Variants in SMYD3 observed in about 807,000 individuals in gnomAD.
SMYD3 encodes the protein SET and MYND domain containing 3, also known as histone-lysine N-methyltransferase SMYD3.
SMYD3 carries 36 observed loss-of-function variants against 57.7 expected under a neutral mutation model. That is an observed-to-expected ratio of 0.62 (90% CI 0.48 to 0.82). SMYD3 has a LOEUF of 0.82. SMYD3 is among the 40% of genes least tolerant of loss of function. The pLI, the probability that SMYD3 is intolerant of heterozygous loss-of-function variation, is 0.00. For synonymous variants in SMYD3, 211 were observed against 195.0 expected (o/e 1.08, Z -0.68); for missense variants, 515 against 538.8 (o/e 0.96, Z 0.44).
intron 1 of SMYD3, among the ~76,000 whole-genome samples, chr1:246,499,828 AC>A (rs1255115209): frequency 6.6e-6 from 1 of 150,834 alleles, no homozygotes; most frequent in African/African-American, 2.4e-5. Context: ...AATAGATAAA[AC>A]CCACATAAAC....
At chr1:246,469,944 G>C (rs2067934967) in intron 1 of SMYD3, among the ~76,000 whole-genome samples, 1 of 152,122 alleles carries the variant, frequency 6.6e-6, no homozygotes, top group African/African-American at 2.4e-5. Flanking sequence ...TGTGCTTCCT[G>C]GTGTGATATC....
At chr1:246,398,335 C>T (rs1162862510) in intron 1 of SMYD3, among the ~76,000 whole-genome samples, 2 of 152,206 alleles carry the variant, frequency 1.3e-5, no homozygotes, top group African/African-American at 4.8e-5. Flanking sequence ...CAATTCTTCC[C>T]GTGGTTAGTT....
chr1:246,123,810 G>GT (rs112731841), intron 5 of SMYD3, among the ~76,000 whole-genome samples: 12,160 of 151,614 alleles, frequency 0.08, 988 homozygotes, highest in African/African-American at 0.19. Context: ...TTTTTCTTGT[G>GT]TTTTTTTTCC....
chr1:246,429,708 T>C (rs927921551), intron 1 of SMYD3, among the ~76,000 whole-genome samples: 1 of 152,178 alleles, frequency 6.6e-6, no homozygotes, highest in African/African-American at 2.4e-5. Context: ...AGACAAGCAA[T>C]ATCCACCATA....
intron 5 of SMYD3, among the ~76,000 whole-genome samples, chr1:246,282,932 T>A (rs1234562832): frequency 1.3e-5 from 2 of 152,184 alleles, no homozygotes; most frequent in Non-Finnish European, 2.9e-5. Flanking sequence ...AATCCCAGAT[T>A]CTCAGCACTG....
At chr1:246,433,620 C>T (rs979764606) in intron 1 of SMYD3, among the ~76,000 whole-genome samples, 1 of 152,162 alleles carries the variant, frequency 6.6e-6, no homozygotes, top group African/African-American at 2.4e-5. Flanking sequence ...AAGATCGTGC[C>T]ACTGTACTCC....
intron 10 of SMYD3, among the ~76,000 whole-genome samples, chr1:245,771,043 TATAC>T (rs1282272025): frequency 6.7e-6 from 1 of 149,736 alleles, no homozygotes; most frequent in Admixed American, 6.8e-5. Flanking sequence ...AAGCTATATA[TATAC>T]ACACACACAC....
intron 1 of SMYD3, among the ~76,000 whole-genome samples, chr1:246,408,973 T>G (rs1447021619): frequency 6.6e-6 from 1 of 152,096 alleles, no homozygotes; most frequent in Non-Finnish European, 1.5e-5. Flanking sequence ...CCCAGCCAAG[T>G]CTTTAAAGTA....
intron 6 of SMYD3, among the ~76,000 whole-genome samples, chr1:245,928,552 T>C (rs575157699): frequency 2.0e-5 from 3 of 152,230 alleles, no homozygotes; most frequent in African/African-American, 4.8e-5. Flanking sequence ...CACATGCCTG[T>C]AGTCCTAGCT....
rs191489812 is a variant in SMYD3 at position 245,991,336 on chromosome 1, G to A, written c.532-61399C>T. 1.8e-4 allele frequency among the ~76,000 whole-genome samples: 27 copies of A among 152,298 alleles called. No homozygotes were observed. The East Asian group carries it at 3.9e-3, about 22-fold the overall frequency. On this transcript the variant is annotated intron_variant, in intron 5 of 11. Coordinates refer to ENST00000490107, the MANE Select transcript of SMYD3 (RefSeq NM_001167740.2). The stretch of plus-strand genomic sequence containing the variant: ...AAAGGAATAGAGCCACAGCTTAAAA[G>A]TTATGTCGTTATAGACAGAGATACC...
rs1200097586 is a variant in SMYD3, at chr1:246,481,593, C to CATATATATATAT, written c.164+25449_164+25460dup. ...ACGGATCATGGGACTTCTCAGGCTCCATATATATATATATACACATACATA... is the reference window on the plus strand; with the variant it reads ...ACGGATCATGGGACTTCTCAGGCTCCATATATATATATATATATATATATATACACATACATA... On this transcript the variant is annotated intron_variant, in intron 1 of 11. Transcript: ENST00000490107. Among the ~76,000 whole-genome samples, 67 of 27,876 alleles carry CATATATATATAT rather than the reference C, an allele frequency of 2.4e-3. 4 individuals carry two copies. Among genetic ancestry groups the CATATATATATAT allele is most frequent in the African/African-American group, 5.0e-3 (47 of 9,450 alleles). 18.3% of individuals were successfully genotyped at this position (27,876 alleles called of 152,430 possible).
intron 1 of SMYD3, among the ~76,000 whole-genome samples, chr1:246,464,666 A>G (rs2067856554): frequency 6.6e-6 from 1 of 152,356 alleles, no homozygotes; most frequent in South Asian, 2.1e-4. Flanking sequence ...TCTGTAGGAC[A>G]GTGGTTGAGG....
At chr1:246,330,019 A>G (rs1006002571) in intron 4 of SMYD3, among the ~76,000 whole-genome samples, 20 of 152,148 alleles carry the variant, frequency 1.3e-4, no homozygotes, top group Admixed American at 4.6e-4. Context: ...AGTTTCAGAG[A>G]AGAATGATGC....
At chr1:245,962,104 A>ATTTCATC (rs2058026087) in intron 5 of SMYD3, among the ~76,000 whole-genome samples, 1 of 152,120 alleles carries the variant, frequency 6.6e-6, no homozygotes, top group Admixed American at 6.5e-5. Flanking sequence ...CAGCAGCTGT[A>ATTTCATC]TTTCATCTGT....
At chr1:246,387,577 C>G (rs992800172) in intron 1 of SMYD3, among the ~76,000 whole-genome samples, 13 of 152,136 alleles carry the variant, frequency 8.5e-5, no homozygotes, top group African/African-American at 3.1e-4. Context: ...GACAATTAAT[C>G]TGACAATAGA....
intron 5 of SMYD3, among the ~76,000 whole-genome samples, chr1:246,162,061 C>T (rs570391992): frequency 6.6e-6 from 1 of 152,162 alleles, no homozygotes; most frequent in African/African-American, 2.4e-5. Context: ...TGGACGTGTA[C>T]CTGGCCGGCT....
chr1:245,779,815 T>A (rs1190631705), intron 10 of SMYD3, among the ~76,000 whole-genome samples: 2 of 152,228 alleles, frequency 1.3e-5, no homozygotes, highest in Non-Finnish European at 2.9e-5. Flanking sequence ...GAAAACATTT[T>A]GGCAATTACC....
At chr1:245,980,254 A>G (rs904718579) in intron 5 of SMYD3, among the ~76,000 whole-genome samples, 6 of 152,244 alleles carry the variant, frequency 3.9e-5, no homozygotes, top group African/African-American at 1.4e-4. Flanking sequence ...GACGGGGTCC[A>G]GGCCTTGGTC....
intron 1 of SMYD3, among the ~76,000 whole-genome samples, chr1:246,461,263 T>C (rs1419899941): frequency 6.6e-6 from 1 of 152,000 alleles, no homozygotes; most frequent in African/African-American, 2.4e-5. Context: ...TATCTGAAAT[T>C]AGTGGAAATT....
Sources: allele counts gnomAD v4.1 joint callset (sites outside exome capture counted in the v4.1 genomes callset), GRCh38; gene constraint gnomAD v4.1.1; transcripts MANE v1.5; gene names NCBI Gene and HGNC (gene_info 2026-07-23, HGNC 2026-07-21).